Variants in ITFG1 observed in about 807,000 individuals in gnomAD.
The protein encoded by ITFG1 is integrin alpha FG-GAP repeat containing 1.
Under a neutral mutation model 81.8 loss-of-function variants are expected in ITFG1, and 34 were observed. The ratio of observed to expected loss-of-function variants is 0.42; its 90% CI spans 0.32 to 0.55. The LOEUF (loss-of-function observed/expected upper bound fraction) is 0.55, where lower values mean the gene tolerates loss of function less well. Ranked by LOEUF, ITFG1 falls within the 20% of genes least tolerant of loss-of-function variation. The pLI is 0.17. For synonymous variants in ITFG1, 285 were observed against 270.6 expected (o/e 1.05, Z -0.52); for missense variants, 672 against 755.4 (o/e 0.89, Z 1.29).
At chr16:47,407,126 GAA>G (rs1405502671) in intron 6 of ITFG1, among the ~76,000 whole-genome samples, 1 of 152,300 alleles carries the variant, frequency 6.6e-6, no homozygotes, top group South Asian at 2.1e-4. Context: ...AAGATTTTGG[GAA>G]GAGTCATTTA....
intron 7 of ITFG1, among the ~76,000 whole-genome samples, chr16:47,373,314 C>T (rs1308897833): frequency 6.6e-6 from 1 of 151,680 alleles, no homozygotes; most frequent in Non-Finnish European, 1.5e-5. Context: ...TGGAGTTTTG[C>T]TCTTGTCGCC....
intron 6 of ITFG1, among the ~76,000 whole-genome samples, chr16:47,406,391 T>C (rs902591764): frequency 1.3e-5 from 2 of 152,358 alleles, no homozygotes; most frequent in South Asian, 2.1e-4. Context: ...CATTCAATAG[T>C]GTATGTTTGA....
intron 10 of ITFG1, among the ~76,000 whole-genome samples, chr16:47,287,237 T>A (rs1166928879): frequency 1.3e-5 from 2 of 152,054 alleles, no homozygotes; most frequent in African/African-American, 2.4e-5. Flanking sequence ...AATATATATA[T>A]ATTTACATAT....
chr16:47,453,297 T>C (rs1311242715), intron 3 of ITFG1, among the ~76,000 whole-genome samples: 1 of 152,238 alleles, frequency 6.6e-6, no homozygotes, highest in Non-Finnish European at 1.5e-5. Context: ...TGAACAAAGT[T>C]GCCTATTTAG....
Position 47,210,598 on chromosome 16 carries a change from C to A in ITFG1, c.1453+8270G>T, listed in dbSNP as rs367952864. ...AAAGTCTAAGGACTCTTTGCCAAGC[C>A]TTAAATCCAGAAAATATCCTCATGA... On this transcript the variant is annotated intron_variant, in intron 14 of 17. Transcript: ENST00000320640. Among the ~76,000 whole-genome samples the A allele has an allele frequency of 3.3e-5, 5 of 152,224 alleles. No homozygotes were observed. In the East Asian group the frequency reaches 7.7e-4, roughly 23 times the overall value.
rs745469255 is a variant in ITFG1 at position 47,311,371 on chromosome 16, G to C, written c.939C>G (p.Leu313=). The change falls in exon 10 of 18, where the codon CTC becomes CTG. Residue 313 remains leucine, a synonymous_variant. Coordinates refer to ENST00000320640, the MANE Select transcript of ITFG1 (RefSeq NM_030790.5). ...CATCCACAAATGGCACAAAGCCCCA[G>C]AGTGTGCCCTTATTGCTGAAATCTT... ...VLQDFSNKGT[L]WGFVPFVDEQ... is the part of the protein sequence containing the mutation. 4 of 1,613,540 alleles carry C rather than the reference G, an allele frequency of 2.5e-6. No homozygotes were observed. The South Asian group carries it at 4.4e-5, about 18-fold the overall frequency.
intron 5 of ITFG1, among the ~76,000 whole-genome samples, chr16:47,443,109 A>G (rs942636561): frequency 2.0e-5 from 3 of 152,254 alleles, no homozygotes; most frequent in Non-Finnish European, 4.4e-5. Flanking sequence ...ACACTTCTCA[A>G]AAGAAGACAT....
rs1421498814 is a variant in ITFG1, at chr16:47,313,795, C to T, written c.831G>A (p.Leu277=). Residue 277 remains leucine (L), a synonymous_variant, in exon 9 of 18, where the codon CTG becomes CTA. Transcript: ENST00000320640. ...FDGDGHMDHL[L]PGCEDKNCQK... ...GGCAATTTTTATCTTCACAGCCTGG[C>T]AGTAAATGATCCATGTGTCCATCTC... is the stretch of plus-strand genomic sequence containing the variant. 1 of 1,606,948 alleles carries T rather than the reference C, an allele frequency of 6.2e-7. No individual in the cohort carries two copies. Among genetic ancestry groups the T allele is most frequent in the Non-Finnish European group, 8.5e-7 (1 of 1,176,104 alleles).
At chr16:47,249,897 C>G (rs1288973039) in intron 12 of ITFG1, among the ~76,000 whole-genome samples, 1 of 152,128 alleles carries the variant, frequency 6.6e-6, no homozygotes, top group Non-Finnish European at 1.5e-5. Flanking sequence ...TAACACTAAG[C>G]CAACGTGCAG....
intron 14 of ITFG1, among the ~76,000 whole-genome samples, chr16:47,208,481 T>C (rs377513187): frequency 4.7e-4 from 72 of 152,340 alleles, no homozygotes; most frequent in African/African-American, 1.6e-3. Context: ...GCACTGTATC[T>C]TCTACAACCT....
chr16:47,425,599 T>TC, intron 6 of ITFG1, among the ~76,000 whole-genome samples: 1 of 151,296 alleles, frequency 6.6e-6, no homozygotes, highest in Non-Finnish European at 1.5e-5. Flanking sequence ...CTTTTTTTTT[T>TC]TTTTTTTTCC....
intron 10 of ITFG1, among the ~76,000 whole-genome samples, chr16:47,308,065 G>T (rs1967198357): frequency 6.6e-6 from 1 of 152,158 alleles, no homozygotes; most frequent in Admixed American, 6.5e-5. Context: ...CACCTACATT[G>T]ATTCCATATC....
intron 14 of ITFG1, among the ~76,000 whole-genome samples, chr16:47,211,617 T>C (rs1965561613): frequency 1.3e-5 from 2 of 152,238 alleles, no homozygotes; most frequent in Non-Finnish European, 2.9e-5. Flanking sequence ...ATTCAGTCTT[T>C]TATCATTAAG....
intron 5 of ITFG1, among the ~76,000 whole-genome samples, chr16:47,443,014 C>T (rs1253596928): frequency 2.0e-5 from 3 of 151,802 alleles, no homozygotes; most frequent in African/African-American, 7.3e-5. Context: ...TGACAAAGGG[C>T]TAATATCAAG....
intron 10 of ITFG1, among the ~76,000 whole-genome samples, chr16:47,267,403 C>A (rs1966289437): frequency 6.6e-6 from 1 of 152,058 alleles, no homozygotes; most frequent in African/African-American, 2.4e-5. Context: ...GACATAACTT[C>A]AAATAACATG....
chr16:47,345,115 C>T (rs1190220709), intron 8 of ITFG1, among the ~76,000 whole-genome samples: 2 of 152,036 alleles, frequency 1.3e-5, no homozygotes, highest in Non-Finnish European at 2.9e-5. Context: ...AGGGTTAAAA[C>T]AGTAGGTAAG....
chr16:47,358,600 A>C (rs1464517092), intron 8 of ITFG1, among the ~76,000 whole-genome samples: 1 of 152,210 alleles, frequency 6.6e-6, no homozygotes, highest in African/African-American at 2.4e-5. Flanking sequence ...ATGATATGTT[A>C]ATCTTTATCA....
chr16:47,461,009 G>C lies in ITFG1; in HGVS notation c.37C>G (p.Leu13Val), dbSNP rs757209088. 2.5e-5 allele frequency: 39 copies of C among 1,556,564 alleles called. No homozygotes were observed. In the African/African-American group the frequency reaches 5.0e-4, roughly 20 times the overall value. Residue 13 changes from leucine to valine, a missense_variant, in exon 1 of 18, where the codon CTC (leucine) becomes GTC (valine). Physicochemically the swap from Leu to Val is conservative, Grantham distance 32. This residue lies in a region of ITFG1 where 47 missense variants were observed against 26.4 expected (regional missense o/e 1.78). Coordinates refer to ENST00000320640, the MANE Select transcript of ITFG1 (RefSeq NM_030790.5). ...AGCCCTGCGAGGAGCGGCGAGAAGA[G>C]GGCCCAGGAGCTCGGGAGCCGGCCC... The part of the protein sequence containing the change: ...AAGRLPSSWA[L>V]FSPLLAGLAL...
chr16:47,222,092 T>C (rs1178251933), intron 13 of ITFG1, among the ~76,000 whole-genome samples: 1 of 152,132 alleles, frequency 6.6e-6, no homozygotes, highest in Non-Finnish European at 1.5e-5. Flanking sequence ...TTCCTTCAGT[T>C]CTGCTCTGAT....
Sources: allele counts gnomAD v4.1 joint callset (sites outside exome capture counted in the v4.1 genomes callset), GRCh38; gene constraint gnomAD v4.1.1; regional missense constraint gnomAD v4.1.1; transcripts MANE v1.5; gene names NCBI Gene and HGNC (gene_info 2026-07-23, HGNC 2026-07-21).